Variants in PITPNB observed in about 807,000 individuals in gnomAD.
PITPNB encodes the protein phosphatidylinositol transfer protein beta isoform.
Under a neutral mutation model 45.9 loss-of-function variants are expected in PITPNB, and 16 were observed. The observed-to-expected ratio is 0.35, with a 90% CI of 0.24 to 0.53. The LOEUF (loss-of-function observed/expected upper bound fraction) is 0.53, where lower values mean the gene tolerates loss of function less well. PITPNB is among the 20% of genes least tolerant of loss of function. The pLI, the probability that PITPNB is intolerant of heterozygous loss-of-function variation, is 0.93. For missense variants in PITPNB, 188 were observed against 330.5 expected (o/e 0.57, Z 3.34); for synonymous variants, 112 against 108.9 (o/e 1.03, Z -0.18).
chr22:27,877,770 C>G (rs1192452505), intron 7 of PITPNB, among the ~76,000 whole-genome samples: 2 of 152,114 alleles, frequency 1.3e-5, no homozygotes, highest in South Asian at 2.1e-4. Flanking sequence ...AGGTGGGGGG[C>G]AGGCTGGTAG....
chr22:27,909,975 G>A lies in PITPNB; in HGVS notation c.197+989C>T, dbSNP rs150406293. Among the ~76,000 whole-genome samples, 1,360 of 144,104 alleles carry A rather than the reference G, an allele frequency of 9.4e-3. 26 individuals carry two copies. Among genetic ancestry groups the A allele is most frequent in the African/African-American group, 0.034 (1,302 of 38,546 alleles). The allele number at this position is 144,104 out of a possible 152,430, so 94.5% of individuals were successfully genotyped here. A position where few individuals can be genotyped will look rare whatever the true frequency, so the allele number is the denominator to read the frequency against. ...CTTTTTTTTTTTTTTTTTTTGAGAC[G>A]GAGTCTCGCTCTGTCACCAGGCTGG... On this transcript the variant is annotated intron_variant, in intron 3 of 11. Transcript: ENST00000335272.
intron 3 of PITPNB, among the ~76,000 whole-genome samples, chr22:27,900,325 C>G (rs1429807931): frequency 6.6e-6 from 1 of 152,026 alleles, no homozygotes; most frequent in Non-Finnish European, 1.5e-5. Flanking sequence ...TGTGAAGAAC[C>G]TTAATATTCA....
intron 8 of PITPNB, among the ~76,000 whole-genome samples, chr22:27,862,147 A>C (rs1934356396): frequency 6.6e-6 from 1 of 152,120 alleles, no homozygotes; most frequent in Admixed American, 6.5e-5. Flanking sequence ...TCAACTTACC[A>C]GCTTCAACTC....
chr22:27,893,582 C>CA (rs1384317087), intron 7 of PITPNB, among the ~76,000 whole-genome samples: 2 of 74,032 alleles, frequency 2.7e-5, no homozygotes, highest in Non-Finnish European at 4.9e-5. Flanking sequence ...CATGTCTAGC[C>CA]TTTTTTTTTT....
Position 27,880,792 on chromosome 22 carries a change from T to C in PITPNB, c.457-6977A>G, listed in dbSNP as rs915917733. Reference sequence around the variant, plus strand: ...CACATGCCACCATGCCCAGCTAATTTTGTATTTTTAGTAGAGAGGGGGTTT... The same window carrying C: ...CACATGCCACCATGCCCAGCTAATTCTGTATTTTTAGTAGAGAGGGGGTTT... On this transcript the variant is annotated intron_variant, in intron 7 of 11. Coordinates refer to ENST00000335272, the MANE Select transcript of PITPNB (RefSeq NM_012399.5). Among the ~76,000 whole-genome samples, 3 of 152,230 alleles carry C rather than the reference T, an allele frequency of 2.0e-5. No homozygotes were observed. In the South Asian group the frequency reaches 6.2e-4, roughly 32 times the overall value.
intron 8 of PITPNB, among the ~76,000 whole-genome samples, chr22:27,861,073 G>C (rs1183460344): frequency 6.7e-6 from 1 of 148,542 alleles, no homozygotes; most frequent in Non-Finnish European, 1.5e-5. Flanking sequence ...GCTCACACCT[G>C]TAATCCCAGC....
intron 8 of PITPNB, among the ~76,000 whole-genome samples, chr22:27,868,669 G>A (rs1934555235): frequency 6.6e-6 from 1 of 152,110 alleles, no homozygotes; most frequent in South Asian, 2.1e-4. Context: ...GAAGACAAAT[G>A]GGGCATGCCT....
intron 3 of PITPNB, among the ~76,000 whole-genome samples, chr22:27,898,622 AC>A (rs1350203053): frequency 5.3e-5 from 8 of 152,192 alleles, no homozygotes; most frequent in South Asian, 2.1e-4. Flanking sequence ...AAGTCTGAAT[AC>A]ATTTTATAGA....
chr22:27,873,102 C>CA (rs1159542122), intron 8 of PITPNB, among the ~76,000 whole-genome samples: 1 of 150,164 alleles, frequency 6.7e-6, no homozygotes, highest in African/African-American at 2.4e-5. Flanking sequence ...ACCCCGTCTC[C>CA]ACTAAAAATA....
intron 3 of PITPNB, among the ~76,000 whole-genome samples, chr22:27,901,183 G>A (rs969054445): frequency 6.6e-6 from 1 of 152,198 alleles, no homozygotes; most frequent in Non-Finnish European, 1.5e-5. Flanking sequence ...CCAGGACCAT[G>A]AAGACTCTTC....
intron 8 of PITPNB, among the ~76,000 whole-genome samples, chr22:27,863,327 C>A (rs1465129303): frequency 6.6e-6 from 1 of 152,106 alleles, no homozygotes; most frequent in East Asian, 1.9e-4. Flanking sequence ...CAGGGGTGAG[C>A]GAACTAAGGT....
At chr22:27,917,729 G>A (rs1417666861) in intron 1 of PITPNB, among the ~76,000 whole-genome samples, 1 of 152,164 alleles carries the variant, frequency 6.6e-6, no homozygotes, top group Non-Finnish European at 1.5e-5. Flanking sequence ...ATATGAGAGT[G>A]AGCAAAACAA....
intron 11 of PITPNB, among the ~76,000 whole-genome samples, 165 bp from the exon 12 acceptor site, chr22:27,853,828 T>A (rs1460594201): frequency 2.0e-5 from 3 of 152,234 alleles, no homozygotes; most frequent in African/African-American, 7.2e-5. Context: ...ATTTTGGTCT[T>A]ACTACTAATG....
intron 8 of PITPNB, among the ~76,000 whole-genome samples, chr22:27,872,562 C>G (rs1218507227): frequency 2.0e-5 from 3 of 152,162 alleles, no homozygotes; most frequent in Non-Finnish European, 2.9e-5. Flanking sequence ...AAGTCAAATT[C>G]ATTTTTCCTT....
At chr22:27,899,787 G>A (rs182549649) in intron 3 of PITPNB, among the ~76,000 whole-genome samples, 138 of 152,346 alleles carry the variant, frequency 9.1e-4, no homozygotes, top group African/African-American at 3.1e-3. Context: ...AAGTGTGGGT[G>A]AGGTCTAATC....
At position 27,898,426 on chromosome 22, in the gene PITPNB, GT is replaced by G. The variant is rs956443373; in HGVS notation, c.198-535del. Among the ~76,000 whole-genome samples, 1,107 of 142,990 alleles carry G rather than the reference GT, an allele frequency of 7.7e-3. 6 individuals carry two copies. Among genetic ancestry groups the G allele is most frequent in the African/African-American group, 0.023 (927 of 39,454 alleles). 93.8% of individuals were successfully genotyped at this position (142,990 alleles called of 152,430 possible). ...AAAAGGTTTTGTGTGTGTGTGTGTG[GT>G]TTTTTTTTTTTTAAATAGAAGCAAT... On this transcript the variant is annotated intron_variant, in intron 3 of 11. Transcript: ENST00000335272.
intron 7 of PITPNB, among the ~76,000 whole-genome samples, chr22:27,888,470 C>G (rs776387985): frequency 6.6e-6 from 1 of 152,202 alleles, no homozygotes; most frequent in African/African-American, 2.4e-5. Context: ...CCCTTGCCAA[C>G]CCAGGTGTTA....
chr22:27,865,147 A>G (rs11913961), intron 8 of PITPNB, among the ~76,000 whole-genome samples: 2 of 152,312 alleles, frequency 1.3e-5, no homozygotes, highest in African/African-American at 4.8e-5. Context: ...AATTATTTTC[A>G]AAGTTATCAT....
intron 3 of PITPNB, among the ~76,000 whole-genome samples, chr22:27,900,453 CCTA>C (rs1323573785): frequency 6.6e-6 from 1 of 152,104 alleles, no homozygotes; most frequent in African/African-American, 2.4e-5. Context: ...CTCCCAAATG[CCTA>C]CTATCTTATT....
Sources: allele counts gnomAD v4.1 joint callset (sites outside exome capture counted in the v4.1 genomes callset), GRCh38; gene constraint gnomAD v4.1.1; transcripts MANE v1.5; gene names NCBI Gene and HGNC (gene_info 2026-07-23, HGNC 2026-07-21).